PSMD6: variants seen among roughly 807,000 people sequenced by gnomAD.
The protein encoded by PSMD6 is proteasome 26S subunit, non-ATPase 6, also known as 26S proteasome non-ATPase regulatory subunit 6.
Under a neutral mutation model 44.9 loss-of-function variants are expected in PSMD6, and 7 were observed. The observed-to-expected ratio is 0.16, with a 90% CI of 0.09 to 0.29. The LOEUF (loss-of-function observed/expected upper bound fraction) is 0.29, where lower values mean the gene tolerates loss of function less well. Among genes scored for constraint, PSMD6 ranks in the 10% least tolerant of loss-of-function variants. PSMD6 has a pLI of 1.00. For synonymous variants in PSMD6, 184 were observed against 172.7 expected (o/e 1.07, Z -0.51); for missense variants, 420 against 482.6 (o/e 0.87, Z 1.21).
Position 64,022,246 on chromosome 3 carries a change from A to G in PSMD6, c.351+72T>C. 2.7e-6 allele frequency: 4 copies of G among 1,507,484 alleles called. No homozygotes were observed. In the East Asian group the frequency reaches 6.8e-5, roughly 26 times the overall value. 93.4% of individuals were successfully genotyped at this position (1,507,484 alleles called of 1,614,324 possible). A position where few individuals can be genotyped will look rare whatever the true frequency, so the allele number is the denominator to read the frequency against. Reference sequence around the variant, plus strand: ...AAACGAAGTTAATTTTTTTAATGAGAAACGATTACCTGGAATAGTCTCCAA... The same window carrying G: ...AAACGAAGTTAATTTTTTTAATGAGGAACGATTACCTGGAATAGTCTCCAA... On this transcript the variant is annotated intron_variant, in intron 2 of 7. Coordinates refer to ENST00000295901, the MANE Select transcript of PSMD6 (RefSeq NM_014814.3).
Position 64,013,564 on chromosome 3 carries a change from A to T in PSMD6, c.870T>A (p.Pro290=). The change falls in exon 6 of 8, where the codon CCT becomes CCA. Residue 290 remains proline (P), a synonymous_variant. Coordinates refer to ENST00000295901, the MANE Select transcript of PSMD6 (RefSeq NM_014814.3). Reference sequence around the variant, plus strand: ...TTTCTCTTACATAGTATCGATAATGAGGGGCAAAAAGCCAGTCCTTTTTCA... The same window carrying T: ...TTTCTCTTACATAGTATCGATAATGTGGGGCAAAAAGCCAGTCCTTTTTCA... ...QEMKKDWLFA[P]HYRYYVREMR... is the part of the protein sequence containing the mutation. 1.2e-6 allele frequency: 2 copies of T among 1,611,160 alleles called. No homozygotes were observed. Among genetic ancestry groups the T allele is most frequent in the Non-Finnish European group, 1.7e-6 (2 of 1,179,150 alleles).
At position 64,010,744 on chromosome 3, in the gene PSMD6, T is replaced by C; in HGVS notation, c.1094A>G (p.Gln365Arg). The C allele has an allele frequency of 6.2e-7, 1 of 1,609,392 alleles. No individual in the cohort carries two copies. ...ETNRPDSKNW[Q>R]YQETIKKGDL... is the part of the protein sequence containing the mutation. ...TCCTTTCTTGATAGTTTCTTGGTAC[T>C]GCCAGTTCTTGCTATCAGGTCTATA... The change falls in exon 8 of 8, where the codon CAG (glutamine) becomes CGG (arginine). Residue 365 changes from glutamine to arginine, a missense_variant. By Grantham distance (43) the Gln-to-Arg change is conservative. This residue lies in a region of PSMD6 where 63 missense variants were observed against 112.1 expected (regional missense o/e 0.56). Transcript: ENST00000295901.
chr3:64,015,599 G>A (rs999328770), intron 5 of PSMD6: 1 of 152,252 alleles, frequency 6.6e-6, no homozygotes, highest in Middle Eastern at 3.4e-3. Flanking sequence ...TATGTATAGT[G>A]ACATGAAAAG....
Position 64,010,586 on chromosome 3 carries a change from C to CCTGGGCACATTGTGAATTATACAGT in PSMD6, c.*81_*82insACTGTATAATTCACAATGTGCCCAG. The CCTGGGCACATTGTGAATTATACAGT allele has an allele frequency of 9.9e-7, 1 of 1,006,634 alleles. No homozygotes were observed. Among genetic ancestry groups the CCTGGGCACATTGTGAATTATACAGT allele is most frequent in the Non-Finnish European group, 1.5e-6 (1 of 686,594 alleles). The allele number at this position is 1,006,634 out of a possible 1,614,324, so 62.4% of individuals were successfully genotyped here. A position where few individuals can be genotyped will look rare whatever the true frequency, so the allele number is the denominator to read the frequency against. ...ACAATGCAGTATTTATTTTATACAG[C>CCTGGGCACATTGTGAATTATACAGT]TGACCTGGGCACATTGTGAAGTAAG... On this transcript the variant is annotated 3_prime_UTR_variant, in exon 8 of 8. Coordinates refer to ENST00000295901, the MANE Select transcript of PSMD6 (RefSeq NM_014814.3).
At position 64,022,450 on chromosome 3, in the gene PSMD6, C is replaced by A; in HGVS notation, c.219G>T (p.Met73Ile). 2 of 1,614,174 alleles carry A rather than the reference C, an allele frequency of 1.2e-6. No individual in the cohort carries two copies. Among genetic ancestry groups the A allele is most frequent in the Non-Finnish European group, 1.7e-6 (2 of 1,180,002 alleles). ...WQIDVDLLNK[M>I]KKANEDELKR... ...TCAACTCATCTTCATTTGCCTTCTT[C>A]ATTTTATTGAGTAGGTCCACGTCTA... is the stretch of plus-strand genomic sequence containing the variant. Residue 73 changes from methionine (M) to isoleucine (I), a missense_variant, in exon 2 of 8, where the codon ATG (methionine) becomes ATT (isoleucine). Met to Ile is a conservative substitution (Grantham distance 10, BLOSUM62 1). This residue lies in a region of PSMD6 where 136 missense variants were observed against 124.2 expected (regional missense o/e 1.09). Transcript: ENST00000295901.
upstream of PSMD6, chr3:64,023,815 C>G: frequency 6.8e-7 from 1 of 1,479,170 alleles, no homozygotes; most frequent in East Asian, 2.5e-5. Flanking sequence ...CATAGTTTGT[C>G]GAGTCGTTAC....
chr3:64,023,057 A>G, intron 1 of PSMD6: 1 of 1,429,480 alleles, frequency 7.0e-7, no homozygotes, highest in East Asian at 2.5e-5. Context: ...TTACAGGGGA[A>G]GGCGGCACAG....
At chr3:64,016,445 G>A (rs1418155156) in intron 5 of PSMD6, 1 of 151,552 alleles carries the variant, frequency 6.6e-6, no homozygotes, top group Non-Finnish European at 1.5e-5. Context: ...CTGCTGTCAG[G>A]GTCATGAAGA....
chr3:64,023,408 C>T lies in PSMD6; in HGVS notation c.12G>A (p.Glu4=). 6.2e-7 allele frequency: 1 copy of T among 1,600,798 alleles called. No individual in the cohort carries two copies. Among genetic ancestry groups the T allele is most frequent in the Non-Finnish European group, 8.5e-7 (1 of 1,171,590 alleles). ...TGGGCAGACCCTCCTCCTCCAGGTT[C>T]TCCAGCGGCATCGCGGCGAAGGGGA... MPL[E]NLEEEGLPKN... is the part of the protein sequence containing the mutation. Residue 4 remains glutamate (E), a synonymous_variant, in exon 1 of 8, where the codon GAG becomes GAA. Transcript: ENST00000295901.
At chr3:64,010,976 A>G in intron 6 of PSMD6, 21 bp from the exon 7 acceptor site, 1 of 1,553,596 alleles carries the variant, frequency 6.4e-7, no homozygotes, top group Non-Finnish European at 8.8e-7. Flanking sequence ...GACAAAAAAT[A>G]ACAGAATTAG....
rs765437191 is a variant in PSMD6, at chr3:64,022,603, G to T, written c.146-80C>A. On this transcript the variant is annotated intron_variant, in intron 1 of 7. Coordinates refer to ENST00000295901, the MANE Select transcript of PSMD6 (RefSeq NM_014814.3). The stretch of plus-strand genomic sequence containing the variant: ...AGTCTGCCCACGTATTTCACCCCCC[G>T]CCCCGCCACAAGTCATCCACCAGTC... The T allele has an allele frequency of 3.6e-5, 55 of 1,534,418 alleles. No individual in the cohort carries two copies. The South Asian group carries it at 6.5e-4, about 18-fold the overall frequency.
At chr3:64,021,222 A>G (rs1559678489) in intron 2 of PSMD6, among the ~76,000 whole-genome samples, 1 of 152,240 alleles carries the variant, frequency 6.6e-6, no homozygotes, top group Non-Finnish European at 1.5e-5. Flanking sequence ...AACAACACAT[A>G]TGTCCAACAA....
upstream of PSMD6, chr3:64,023,509 GCC>G: frequency 1.4e-6 from 2 of 1,433,624 alleles, no homozygotes; most frequent in East Asian, 2.7e-5. Flanking sequence ...AATACGCCCG[GCC>G]GCCTGCGGCC....
At chr3:64,012,944 C>T (rs1418610426) in intron 6 of PSMD6, 2 of 151,672 alleles carry the variant, frequency 1.3e-5, no homozygotes, top group African/African-American at 2.4e-5. Context: ...AGCTGTAAAA[C>T]AATACCAAAC....
intron 2 of PSMD6, among the ~76,000 whole-genome samples, chr3:64,021,076 GAAAAA>G (rs879386896): frequency 7.0e-6 from 1 of 142,906 alleles, no homozygotes; most frequent in Non-Finnish European, 1.5e-5. Context: ...AAAAAAAGAA[GAAAAA>G]AAAAAACTGT....
At chr3:64,011,023 T>A (rs757862173) in intron 6 of PSMD6, 68 bp from the exon 7 acceptor site, 41 of 1,249,196 alleles carry the variant, frequency 3.3e-5, no homozygotes, top group Non-Finnish European at 4.5e-5. Flanking sequence ...CAAACGGCAT[T>A]AAAATACTGT....
chr3:64,015,741 C>G (rs900180767), intron 5 of PSMD6: 1 of 152,188 alleles, frequency 6.6e-6, no homozygotes, highest in Non-Finnish European at 1.5e-5. Context: ...ACTGGAAAAC[C>G]TGATTAACAG....
intron 6 of PSMD6, 53 bp downstream of exon 6, chr3:64,013,386 A>G (rs2075993116): frequency 1.4e-6 from 2 of 1,457,872 alleles, no homozygotes; most frequent in Admixed American, 4.8e-5. Context: ...AAGTTCACAT[A>G]TTTTAAAAGG....
intron 3 of PSMD6, 105 bp from the exon 4 acceptor site, chr3:64,019,142 C>A: frequency 7.2e-7 from 1 of 1,395,918 alleles, no homozygotes; most frequent in Non-Finnish European, 9.9e-7. Flanking sequence ...ACAACTTGAA[C>A]CGAAAGGAGA....
Sources: gnomAD v4.1 joint callset for allele counts (sites outside exome capture counted in the v4.1 genomes callset) on GRCh38, gnomAD v4.1.1 for gene constraint, gnomAD v4.1.1 regional missense constraint, MANE v1.5 for transcripts, NCBI Gene and HGNC (gene_info 2026-07-23, HGNC 2026-07-21) for gene names.